NRG1: variants seen among roughly 807,000 people sequenced by gnomAD.
NRG1 encodes neuregulin 1, also known as pro-neuregulin-1, membrane-bound isoform.
Under a neutral mutation model 63.8 loss-of-function variants are expected in NRG1, and 18 were observed. The ratio of observed to expected loss-of-function variants is 0.28; its 90% CI spans 0.19 to 0.42. NRG1 has a LOEUF of 0.42. Ranked by LOEUF, NRG1 falls within the 10% of genes least tolerant of loss-of-function variation. The pLI is 1.00. For missense variants in NRG1, 762 were observed against 814.7 expected (o/e 0.94, Z 0.79); for synonymous variants, 302 against 301.3 (o/e 1.00, Z -0.02).
upstream of NRG1, among the ~76,000 whole-genome samples, chr8:32,545,986 T>C (rs1833025836): frequency 6.6e-6 from 1 of 152,200 alleles, no homozygotes; most frequent in Non-Finnish European, 1.5e-5. Flanking sequence ...TGCTCATTTA[T>C]ACTCACCTCC....
intron 1 of NRG1, among the ~76,000 whole-genome samples, chr8:31,979,326 T>A (rs1163152211): frequency 6.6e-6 from 1 of 152,140 alleles, no homozygotes; most frequent in African/African-American, 2.4e-5. Flanking sequence ...ATTCATTCTC[T>A]GAACCATCCT....
chr8:32,736,905 G>A (rs1281175595), intron 6 of NRG1, among the ~76,000 whole-genome samples: 3 of 151,700 alleles, frequency 2.0e-5, no homozygotes, highest in Non-Finnish European at 2.9e-5. Context: ...AGAAAAAATG[G>A]AAAATAATTT....
chr8:32,636,993 A>C (rs554729301), intron 5 of NRG1, among the ~76,000 whole-genome samples: 1 of 152,312 alleles, frequency 6.6e-6, no homozygotes, highest in East Asian at 1.9e-4. Context: ...TGTTTGGCAT[A>C]GGTAATGAGT....
chr8:32,762,038 C>CAAAAAAAAAAAAAAAAAAAAAAAAAAAAA (rs11407724), intron 11 of NRG1, among the ~76,000 whole-genome samples: 1 of 81,478 alleles, frequency 1.2e-5, no homozygotes. Context: ...GACTCCGCCT[C>CAAAAAAAAAAAAAAAAAAAAAAAAAAAAA]AAAAAAAAAA....
At chr8:32,020,106 A>G (rs1369437231) in intron 1 of NRG1, among the ~76,000 whole-genome samples, 1 of 152,198 alleles carries the variant, frequency 6.6e-6, no homozygotes, top group African/African-American at 2.4e-5. Context: ...TTGGAAATTG[A>G]CATCTTAACA....
chr8:32,648,174 G>T, intron 5 of NRG1: 1 of 1,614,102 alleles, frequency 6.2e-7, no homozygotes, highest in Non-Finnish European at 8.5e-7. Flanking sequence ...TGAAAGTGAG[G>T]TTCAAGTTAC....
At chr8:32,344,173 A>ATTT (rs1804430397) in intron 1 of NRG1, among the ~76,000 whole-genome samples, 1 of 152,234 alleles carries the variant, frequency 6.6e-6, no homozygotes, top group African/African-American at 2.4e-5. Context: ...GCTTATGCAG[A>ATTT]TAGCATTACT....
intron 1 of NRG1, among the ~76,000 whole-genome samples, chr8:32,213,471 G>A (rs1184347249): frequency 6.6e-6 from 1 of 152,136 alleles, no homozygotes; most frequent in Non-Finnish European, 1.5e-5. Context: ...GGGAGCATGG[G>A]AGGGAGAACA....
intron 4 of NRG1, among the ~76,000 whole-genome samples, chr8:32,615,133 A>T (rs537624242): frequency 1.5e-4 from 23 of 152,292 alleles, no homozygotes; most frequent in African/African-American, 4.1e-4. Context: ...GTCTGAGCAG[A>T]TATTAGCAAC....
intron 1 of NRG1, among the ~76,000 whole-genome samples, chr8:32,376,980 C>T (rs1046838036): frequency 1.3e-5 from 2 of 152,134 alleles, no homozygotes; most frequent in Non-Finnish European, 2.9e-5. Context: ...GACTTAATAG[C>T]GCATATTGAC....
Position 31,878,047 on chromosome 8 carries a change from A to C in NRG1, c.37+238616A>C, listed in dbSNP as rs185034663. On this transcript the variant is annotated intron_variant, in intron 1 of 10. Coordinates refer to the NRG1 transcript ENST00000519301. Reference sequence around the variant, plus strand: ...TCAGAATTTTTCCAGGAGATGCTCAATATTTCAGAAAACGACCTATCTAAA... The same window carrying C: ...TCAGAATTTTTCCAGGAGATGCTCACTATTTCAGAAAACGACCTATCTAAA... Among the ~76,000 whole-genome samples the C allele has an allele frequency of 9.6e-4, 146 of 152,326 alleles. 1 individual carries two copies. Among genetic ancestry groups the C allele is most frequent in the Middle Eastern group, 3.4e-3 (1 of 294 alleles).
intron 1 of NRG1, among the ~76,000 whole-genome samples, chr8:31,789,025 A>G (rs1478222167): frequency 1.1e-4 from 16 of 152,334 alleles, no homozygotes; most frequent in Admixed American, 9.1e-4. Context: ...TTTCCATGCT[A>G]TCATATTTTT....
At chr8:32,158,270 C>T (rs1838368252) in intron 1 of NRG1, among the ~76,000 whole-genome samples, 1 of 151,656 alleles carries the variant, frequency 6.6e-6, no homozygotes, top group Non-Finnish European at 1.5e-5. Flanking sequence ...ATGCTGTGAT[C>T]ACCCAGGGTA....
At chr8:32,690,661 C>G (rs1370566984) in intron 5 of NRG1, among the ~76,000 whole-genome samples, 2 of 151,892 alleles carry the variant, frequency 1.3e-5, no homozygotes, top group Non-Finnish European at 2.9e-5. Context: ...CTGTAGATCT[C>G]CTGGTGAAGA....
At chr8:32,430,787 GTTT>G (rs35752428) in intron 1 of NRG1, among the ~76,000 whole-genome samples, 4 of 134,142 alleles carry the variant, frequency 3.0e-5, no homozygotes, top group Admixed American at 7.4e-5. Context: ...AATGGTTTGG[GTTT>G]TTTTTTTTTT....
chr8:32,091,907 A>C lies in NRG1; in HGVS notation c.37+452476A>C, dbSNP rs548093587. 2.1e-3 allele frequency among the ~76,000 whole-genome samples: 316 copies of C among 152,204 alleles called. 2 individuals carry two copies. Among genetic ancestry groups the C allele is most frequent in the Non-Finnish European group, 3.2e-3 (217 of 68,000 alleles). On this transcript the variant is annotated intron_variant, in intron 1 of 10. Transcript: ENST00000519301. ...TTGTAGGGGAGACTTTTGGGGGACTATGGCCTCGATCTGATGTGTCTGCTT... is the reference window on the plus strand; with the variant it reads ...TTGTAGGGGAGACTTTTGGGGGACTCTGGCCTCGATCTGATGTGTCTGCTT...
chr8:32,048,332 CATGT>C lies in NRG1; in HGVS notation c.37+408913_37+408916del, dbSNP rs199735792. 2.8e-3 allele frequency among the ~76,000 whole-genome samples: 407 copies of C among 147,728 alleles called. 4 individuals are homozygous for C. The highest frequency in any genetic ancestry group is 9.4e-3 in the African/African-American group (378 of 40,236). The stretch of plus-strand genomic sequence containing the variant: ...ATATATGTATGTATATACATATGTA[CATGT>C]ATGTATGTATGAATATACATATATG... On this transcript the variant is annotated intron_variant, in intron 1 of 10. Transcript: ENST00000519301.
chr8:32,088,521 CTTT>C (rs35307615), intron 1 of NRG1, among the ~76,000 whole-genome samples: 2 of 143,004 alleles, frequency 1.4e-5, no homozygotes, highest in Non-Finnish European at 3.0e-5. Context: ...CAAGTCATCA[CTTT>C]TTTTTTTTTT....
chr8:32,475,535 T>G (rs1413983276), intron 1 of NRG1, among the ~76,000 whole-genome samples: 3 of 151,986 alleles, frequency 2.0e-5, no homozygotes, highest in South Asian at 2.1e-4. Flanking sequence ...TGTATTCTTT[T>G]TGTTTGTTTG....
Sources: gnomAD v4.1 joint callset for allele counts (sites outside exome capture counted in the v4.1 genomes callset) on GRCh38, gnomAD v4.1.1 for gene constraint, MANE v1.5 for transcripts, NCBI Gene and HGNC (gene_info 2026-07-23, HGNC 2026-07-21) for gene names.